SCAMP1: variants seen among roughly 807,000 people sequenced by gnomAD.
The protein encoded by SCAMP1 is secretory carrier membrane protein 1.
SCAMP1 carries 15 observed loss-of-function variants against 41.8 expected under a neutral mutation model. The observed-to-expected ratio is 0.36, with a 90% CI of 0.24 to 0.55. The LOEUF (loss-of-function observed/expected upper bound fraction) is 0.55. Among genes scored for constraint, SCAMP1 ranks in the 20% least tolerant of loss-of-function variants. The pLI, the probability that SCAMP1 is intolerant of heterozygous loss-of-function variation, is 0.86. For missense variants in SCAMP1, 341 were observed against 412.6 expected, an observed-to-expected ratio of 0.83 and a Z score of 1.50; for synonymous variants, 135 against 136.8, an observed-to-expected ratio of 0.99 and a Z score of 0.09.
At position 78,478,052 on chromosome 5, in the gene SCAMP1, C is replaced by T. The variant is rs1425004855; in HGVS notation, c.*2384C>T. 6.6e-6 allele frequency: 1 copy of T among 152,394 alleles called. No individual in the cohort carries two copies. Among genetic ancestry groups the T allele is most frequent in the African/African-American group, 2.4e-5 (1 of 41,366 alleles). 9.4% of individuals were successfully genotyped at this position (152,394 alleles called of 1,614,324 possible). A position where few individuals can be genotyped will look rare whatever the true frequency, so the allele number is the denominator to read the frequency against. ...TTATTTCAAACTAAAGTTTGAACAC[C>T]GGAAAGTCATTACTCAGTGATTTGT... On this transcript the variant is annotated 3_prime_UTR_variant, in exon 9 of 9. Transcript: ENST00000621999.
At chr5:78,410,726 T>C (rs1255881494) in intron 2 of SCAMP1, among the ~76,000 whole-genome samples, 1 of 152,222 alleles carries the variant, frequency 6.6e-6, no homozygotes, top group African/African-American at 2.4e-5. Context: ...CACCACACTG[T>C]CTTCCACAGT....
At chr5:78,428,083 T>G (rs1265988354) in intron 6 of SCAMP1, among the ~76,000 whole-genome samples, 3 of 152,278 alleles carry the variant, frequency 2.0e-5, no homozygotes, top group Admixed American at 2.0e-4. Context: ...CTTGTCTGGT[T>G]AGTATCATGT....
chr5:78,455,705 T>G (rs1365247780), intron 7 of SCAMP1, among the ~76,000 whole-genome samples: 6 of 138,654 alleles, frequency 4.3e-5, no homozygotes, highest in African/African-American at 1.7e-4. Flanking sequence ...TAGGTCTGCT[T>G]GGTGCAGAGC....
At chr5:78,464,718 T>G (rs1753701393) in intron 8 of SCAMP1, among the ~76,000 whole-genome samples, 1 of 152,162 alleles carries the variant, frequency 6.6e-6, no homozygotes, top group African/African-American at 2.4e-5. Context: ...CTACATGCCA[T>G]AAAGCCATCA....
At chr5:78,410,075 T>C (rs559200911) in intron 2 of SCAMP1, among the ~76,000 whole-genome samples, 1 of 152,020 alleles carries the variant, frequency 6.6e-6, no homozygotes, top group Non-Finnish European at 1.5e-5. Context: ...GGACAATATA[T>C]GTGAGAATTA....
intron 1 of SCAMP1, among the ~76,000 whole-genome samples, chr5:78,368,033 T>C (rs1014957742): frequency 3.3e-5 from 5 of 152,200 alleles, no homozygotes; most frequent in African/African-American, 1.2e-4. Context: ...CCATTGAAAA[T>C]TGGGAGCCCA....
At chr5:78,467,290 A>G (rs574269928) in intron 8 of SCAMP1, among the ~76,000 whole-genome samples, 31 of 152,306 alleles carry the variant, frequency 2.0e-4, no homozygotes, top group African/African-American at 6.7e-4. Context: ...GGGAACTTTA[A>G]CCATCACTGG....
At chr5:78,458,784 G>A (rs1224433973) in intron 7 of SCAMP1, among the ~76,000 whole-genome samples, 2 of 152,182 alleles carry the variant, frequency 1.3e-5, no homozygotes, top group African/African-American at 4.8e-5. Flanking sequence ...GGAGGCTGAG[G>A]TAGGAGAATC....
rs772454258 is a variant in SCAMP1, at chr5:78,459,277, A to G, written c.767A>G (p.Gln256Arg). The change falls in exon 8 of 9, where the codon CAA (glutamine) becomes CGA (arginine). Residue 256 changes from glutamine to arginine, a missense_variant. By Grantham distance (43) the Gln-to-Arg change is conservative (BLOSUM62 1). Transcript: ENST00000621999. ...GWISSLTGLN[Q>R]NIPVGIMMII... Reference sequence around the variant, plus strand: ...ATTTCATCCCTTACTGGTCTCAACCAAAATATTCCTGTTGGAATCATGATG... The same window carrying G: ...ATTTCATCCCTTACTGGTCTCAACCGAAATATTCCTGTTGGAATCATGATG... 1.8e-5 allele frequency: 29 copies of G among 1,604,068 alleles called. No individual in the cohort carries two copies. In the East Asian group the frequency reaches 6.0e-4, roughly 33 times the overall value.
intron 1 of SCAMP1, among the ~76,000 whole-genome samples, chr5:78,380,118 A>G (rs1297786198): frequency 3.3e-5 from 5 of 152,158 alleles, no homozygotes; most frequent in East Asian, 3.9e-4. Flanking sequence ...TAGCACTTTT[A>G]TATCTCCTTA....
chr5:78,438,152 T>C lies in SCAMP1; in HGVS notation c.633-11781T>C, dbSNP rs529070118. Among the ~76,000 whole-genome samples, 98 of 152,332 alleles carry C rather than the reference T, an allele frequency of 6.4e-4. No homozygotes were observed. In the South Asian group the frequency reaches 6.6e-3, roughly 10 times the overall value. On this transcript the variant is annotated intron_variant, in intron 6 of 8. Coordinates refer to ENST00000621999, the MANE Select transcript of SCAMP1 (RefSeq NM_004866.6). ...GCAGTCTGTCAATTTTGTAGATCTTTTCAAAAAACCAGCTCCTGGATTCAT... is the reference window on the plus strand; with the variant it reads ...GCAGTCTGTCAATTTTGTAGATCTTCTCAAAAAACCAGCTCCTGGATTCAT...
At chr5:78,441,328 T>A (rs1169285895) in intron 6 of SCAMP1, among the ~76,000 whole-genome samples, 1 of 152,206 alleles carries the variant, frequency 6.6e-6, no homozygotes, top group Non-Finnish European at 1.5e-5. Context: ...TATTTGGCCG[T>A]CTTCAAACGG....
chr5:78,475,468 C>T (rs1753982233), intron 8 of SCAMP1, 36 bp from the exon 9 acceptor site: 1 of 1,504,764 alleles, frequency 6.6e-7, no homozygotes, highest in South Asian at 1.3e-5. Context: ...GCGTAGGTTG[C>T]TACTTACCTT....
In SCAMP1 at chr5:78,424,635, G is replaced by T. The variant is rs539126864; in HGVS notation, c.632+2675G>T. On this transcript the variant is annotated intron_variant, in intron 6 of 8. Transcript: ENST00000621999. ...AATCCCAGCTCGAGGCAGGAGAATC[G>T]CCTGAACCCGGGAGGCAGAGGTTGC... Among the ~76,000 whole-genome samples, 7 of 152,134 alleles carry T rather than the reference G, an allele frequency of 4.6e-5. No homozygotes were observed. In the South Asian group the frequency reaches 1.2e-3, roughly 27 times the overall value.
intron 7 of SCAMP1, among the ~76,000 whole-genome samples, chr5:78,454,444 G>C (rs2112218339): frequency 6.6e-6 from 1 of 151,666 alleles, no homozygotes; most frequent in Middle Eastern, 3.4e-3. Flanking sequence ...AGATAATCAT[G>C]TGGTTTTTGT....
intron 7 of SCAMP1, among the ~76,000 whole-genome samples, chr5:78,450,300 G>T (rs533427561): frequency 1.3e-5 from 2 of 152,144 alleles, no homozygotes; most frequent in African/African-American, 4.8e-5. Flanking sequence ...GAGGAAGACT[G>T]CAAAAGAGAC....
At chr5:78,392,770 C>A (rs1218651560) in intron 2 of SCAMP1, among the ~76,000 whole-genome samples, 2 of 152,064 alleles carry the variant, frequency 1.3e-5, no homozygotes, top group Admixed American at 1.3e-4. Context: ...TTAAATATTC[C>A]TTTGTTTATT....
At chr5:78,416,794 TG>T (rs766863189) in intron 4 of SCAMP1, 145 bp downstream of exon 4, 128 of 592,284 alleles carry the variant, frequency 2.2e-4, no homozygotes, top group Non-Finnish European at 3.5e-4. Context: ...GCAGATTGCC[TG>T]TTTGATACTC....
chr5:78,367,042 A>G (rs1287248797), intron 1 of SCAMP1, among the ~76,000 whole-genome samples: 4 of 152,136 alleles, frequency 2.6e-5, no homozygotes, highest in Admixed American at 2.6e-4. Flanking sequence ...CATTTTGAAA[A>G]CTGTCTTTTA....
Sources: gnomAD v4.1 joint callset for allele counts (sites outside exome capture counted in the v4.1 genomes callset) on GRCh38, gnomAD v4.1.1 for gene constraint, MANE v1.5 for transcripts, NCBI Gene and HGNC (gene_info 2026-07-23, HGNC 2026-07-21) for gene names.